CACNG1: variants seen among roughly 807,000 people sequenced by gnomAD.
CACNG1 encodes calcium voltage-gated channel auxiliary subunit gamma 1.
In CACNG1, 21 loss-of-function variants were observed where a neutral mutation model predicts 22.0. The ratio of observed to expected loss-of-function variants is 0.95; its 90% CI spans 0.68 to 1.37. The LOEUF (loss-of-function observed/expected upper bound fraction) is 1.37. Among genes scored for constraint, CACNG1 ranks in the 40% most tolerant of loss-of-function variants. The pLI is 0.00. For missense variants in CACNG1, 291 were observed against 308.6 expected, an observed-to-expected ratio of 0.94 and a Z score of 0.43; for synonymous variants, 127 against 129.2, an observed-to-expected ratio of 0.98 and a Z score of 0.12.
chr17:67,053,713 T>C (rs1275802577), intron 1 of CACNG1, among the ~76,000 whole-genome samples: 2 of 152,216 alleles, frequency 1.3e-5, no homozygotes, highest in Non-Finnish European at 2.9e-5. Flanking sequence ...GGTTACCCTG[T>C]CTGCCTAATG....
chr17:67,053,084 C>T (rs1276575875), intron 1 of CACNG1, among the ~76,000 whole-genome samples: 5 of 152,218 alleles, frequency 3.3e-5, no homozygotes, highest in African/African-American at 9.6e-5. Flanking sequence ...TGCGTTCCTA[C>T]TGCCCACAGA....
Position 67,044,937 on chromosome 17 carries a change from G to T in CACNG1, c.229+48G>T. 1 of 1,484,274 alleles carries T rather than the reference G, an allele frequency of 6.7e-7. No individual in the cohort carries two copies. 91.9% of individuals were successfully genotyped at this position (1,484,274 alleles called of 1,614,324 possible). On this transcript the variant is annotated intron_variant, in intron 1 of 3. Transcript: ENST00000226021. The surrounding 1 kb of genome is among the most constrained non-coding windows in gnomAD (Gnocchi z 6.9). The stretch of plus-strand genomic sequence containing the variant: ...CGATCCCCACCTCCTGCTCTTCCCC[G>T]TCATCCCCCTGGCAAAGTTGCCCTT...
In CACNG1 at chr17:67,056,005, A is replaced by G; in HGVS notation, c.443-40A>G. ...GGGATGGGGCTGGTGGCTACGGCAG[A>G]CGCCCCTCGGTCCCTGAGCATGCCT... On this transcript the variant is annotated intron_variant, in intron 3 of 3. Transcript: ENST00000226021. The surrounding 1 kb of genome is among the most constrained non-coding windows in gnomAD (Gnocchi z 4.3). 4.5e-6 allele frequency: 7 copies of G among 1,544,594 alleles called. No homozygotes were observed. Among genetic ancestry groups the G allele is most frequent in the Middle Eastern group, 1.7e-4 (1 of 5,900 alleles).
Position 67,054,242 on chromosome 17 carries a change from C to T in CACNG1, c.304+172C>T, listed in dbSNP as rs1361421484. On this transcript the variant is annotated intron_variant, in intron 2 of 3. Coordinates refer to ENST00000226021, the MANE Select transcript of CACNG1 (RefSeq NM_000727.4). This position sits in a 1 kb window ranked among gnomAD's most constrained non-coding sequence, Gnocchi z 4.6. ...AGCTCCCCGCTCCGGAGGCCCCAGG[C>T]AGCCGCCTTCCATCTCCAGGGCCCG... Among the ~76,000 whole-genome samples the T allele has an allele frequency of 1.3e-5, 2 of 152,214 alleles. No individual in the cohort carries two copies. The highest frequency in any genetic ancestry group is 4.8e-5 in the African/African-American group (2 of 41,446).
intron 1 of CACNG1, among the ~76,000 whole-genome samples, chr17:67,053,602 TC>T (rs1390662772): frequency 1.3e-5 from 2 of 152,192 alleles, no homozygotes; most frequent in African/African-American, 4.8e-5. Context: ...TCGCCAAGTG[TC>T]CCCTGGGGGG....
At position 67,044,775 on chromosome 17, in the gene CACNG1, A is replaced by G. The variant is rs751953770; in HGVS notation, c.115A>G (p.Met39Val). The G allele has an allele frequency of 2.5e-6, 4 of 1,613,232 alleles. No individual in the cohort carries two copies. Among genetic ancestry groups the G allele is most frequent in the Admixed American group, 1.7e-5 (1 of 60,012 alleles). The change falls in exon 1 of 4, where the codon ATG becomes GTG. Residue 39 changes from methionine to valine, a missense_variant. Transcript: ENST00000226021. The surrounding 1 kb of genome is among the most constrained non-coding windows in gnomAD (Gnocchi z 6.9). ...CCACTGGGCTGTGCTGAGCCCCCAC[A>G]TGGAGCACCACAACACTACCTGCGA... ...TDHWAVLSPH[M>V]EHHNTTCEAA...
chr17:67,050,420 A>G (rs1299052873), intron 1 of CACNG1, among the ~76,000 whole-genome samples: 1 of 152,266 alleles, frequency 6.6e-6, no homozygotes, highest in Non-Finnish European at 1.5e-5. Context: ...GCCCAGAGAA[A>G]CCACTGTTGG....
intron 1 of CACNG1, among the ~76,000 whole-genome samples, chr17:67,047,637 T>C (rs999671878): frequency 6.6e-6 from 1 of 152,200 alleles, no homozygotes; most frequent in African/African-American, 2.4e-5. Context: ...AAATAGTCTT[T>C]CTCCCTGGGG....
rs1170153927 is a variant in CACNG1, at chr17:67,044,750, C to T, written c.90C>T (p.Asp30=). ...TGGCCATGACAGCCGTGGTAACCGA[C>T]CACTGGGCTGTGCTGAGCCCCCACA... is the stretch of plus-strand genomic sequence containing the variant. ...IVLAMTAVVT[D]HWAVLSPHME... is the part of the protein sequence containing the mutation. The change falls in exon 1 of 4, where the codon GAC becomes GAT. Residue 30 remains aspartate (D), a synonymous_variant. Coordinates refer to ENST00000226021, the MANE Select transcript of CACNG1 (RefSeq NM_000727.4). This position sits in a 1 kb window ranked among gnomAD's most constrained non-coding sequence, Gnocchi z 6.9. 1.2e-6 allele frequency: 2 copies of T among 1,613,082 alleles called. No homozygotes were observed. Among genetic ancestry groups the T allele is most frequent in the Non-Finnish European group, 1.7e-6 (2 of 1,180,012 alleles).
intron 1 of CACNG1, among the ~76,000 whole-genome samples, chr17:67,050,739 T>C (rs2035723314): frequency 6.6e-6 from 1 of 152,230 alleles, no homozygotes. Flanking sequence ...ACACTACACA[T>C]GGTTCTGCAC....
chr17:67,051,467 G>A (rs191304087), intron 1 of CACNG1, among the ~76,000 whole-genome samples: 5 of 152,216 alleles, frequency 3.3e-5, no homozygotes, highest in East Asian at 1.9e-4. Context: ...AGGAGACACC[G>A]GTCTTTTTCA....
rs753434139 is a variant in CACNG1 at position 67,055,286 on chromosome 17, C to T, written c.442+46C>T. 3.8e-6 allele frequency: 6 copies of T among 1,585,386 alleles called. No homozygotes were observed. The highest frequency in any genetic ancestry group is 1.3e-5 in the African/African-American group (1 of 74,616). On this transcript the variant is annotated intron_variant, in intron 3 of 3. Transcript: ENST00000226021. This position sits in a 1 kb window ranked among gnomAD's most constrained non-coding sequence, Gnocchi z 4.5. ...GAGCGCCGGGGCCGGGGGACCATGT[C>T]GCGGGGGATTCTCCGCTCCACCCTC...
intron 1 of CACNG1, among the ~76,000 whole-genome samples, chr17:67,052,437 G>A (rs1160813041): frequency 6.6e-6 from 1 of 152,154 alleles, no homozygotes; most frequent in Non-Finnish European, 1.5e-5. Context: ...GAATGATTTA[G>A]GTCCGGTTAA....
chr17:67,054,111 A>G lies in CACNG1; in HGVS notation c.304+41A>G. Reference sequence around the variant, plus strand: ...AAGGGGTCTGGGGTGACAAGAGGGGACTTCTGTGTTGTGCACCACTGGGCC... The same window carrying G: ...AAGGGGTCTGGGGTGACAAGAGGGGGCTTCTGTGTTGTGCACCACTGGGCC... On this transcript the variant is annotated intron_variant, in intron 2 of 3. Transcript: ENST00000226021. This position sits in a 1 kb window ranked among gnomAD's most constrained non-coding sequence, Gnocchi z 4.6. The G allele has an allele frequency of 6.6e-7, 1 of 1,519,298 alleles. No homozygotes were observed. Among genetic ancestry groups the G allele is most frequent in the Non-Finnish European group, 9.1e-7 (1 of 1,093,694 alleles). 94.1% of individuals were successfully genotyped at this position (1,519,298 alleles called of 1,614,324 possible).
Position 67,055,037 on chromosome 17 carries a change from C to T in CACNG1, c.305-66C>T. On this transcript the variant is annotated intron_variant, in intron 2 of 3. Transcript: ENST00000226021. The surrounding 1 kb of genome is among the most constrained non-coding windows in gnomAD (Gnocchi z 4.5). Reference sequence around the variant, plus strand: ...CACACACTGTGGTGCATGGTGTGGTCCCTAACGAGCCATGACAAGAGCTCC... The same window carrying T: ...CACACACTGTGGTGCATGGTGTGGTTCCTAACGAGCCATGACAAGAGCTCC... 6.5e-7 allele frequency: 1 copy of T among 1,534,318 alleles called. No homozygotes were observed. Among genetic ancestry groups the T allele is most frequent in the South Asian group, 1.2e-5 (1 of 82,092 alleles).
chr17:67,052,362 C>G (rs888897928), intron 1 of CACNG1, among the ~76,000 whole-genome samples: 2 of 152,226 alleles, frequency 1.3e-5, no homozygotes, highest in African/African-American at 2.4e-5. Context: ...TCAGGAGAGG[C>G]AGCAGCCCTG....
chr17:67,054,059 C>T lies in CACNG1; in HGVS notation c.293C>T (p.Thr98Ile). The change falls in exon 2 of 4, where the codon ACC (threonine) becomes ATC (isoleucine). Residue 98 changes from threonine (T) to isoleucine (I), a missense_variant. Thr to Ile is a moderately conservative substitution (Grantham distance 89, BLOSUM62 -1). Transcript: ENST00000226021. This position sits in a 1 kb window ranked among gnomAD's most constrained non-coding sequence, Gnocchi z 4.6. Reference sequence around the variant, plus strand: ...GAGAGCTCGGAGATCTTCGAATTCACCACTCAGAAGGGTGAGCCTGGGTGG... The same window carrying T: ...GAGAGCTCGGAGATCTTCGAATTCATCACTCAGAAGGGTGAGCCTGGGTGG... Reference protein sequence around the residue: ...PGESSEIFEFTTQKEYSISAA... With the variant: ...PGESSEIFEFITQKEYSISAA... 1 of 1,614,008 alleles carries T rather than the reference C, an allele frequency of 6.2e-7. No homozygotes were observed. Among genetic ancestry groups the T allele is most frequent in the Non-Finnish European group, 8.5e-7 (1 of 1,179,840 alleles).
chr17:67,044,584 C>A lies in CACNG1; in HGVS notation c.-77C>A. On this transcript the variant is annotated 5_prime_UTR_variant, in exon 1 of 4. Transcript: ENST00000226021. The surrounding 1 kb of genome is among the most constrained non-coding windows in gnomAD (Gnocchi z 6.9). ...CAGCTCGACAACCACTGCCACCCCC[C>A]AAGCTCGGCTTGTCACCTGCCCTAG... 1 of 944,636 alleles carries A rather than the reference C, an allele frequency of 1.1e-6. No individual in the cohort carries two copies. Among genetic ancestry groups the A allele is most frequent in the Non-Finnish European group, 1.7e-6 (1 of 600,228 alleles). The allele number at this position is 944,636 out of a possible 1,614,324, so 58.5% of individuals were successfully genotyped here.
chr17:67,050,407 A>G (rs2035721654), intron 1 of CACNG1, among the ~76,000 whole-genome samples: 1 of 152,270 alleles, frequency 6.6e-6, no homozygotes, highest in Admixed American at 6.5e-5. Context: ...GGAAGGAGAC[A>G]CAGCCCAGAG....
Sources: gnomAD v4.1 joint callset for allele counts (sites outside exome capture counted in the v4.1 genomes callset) on GRCh38, gnomAD v4.1.1 for gene constraint, Gnocchi (gnomAD v3.1) non-coding constraint, MANE v1.5 for transcripts, NCBI Gene and HGNC (gene_info 2026-07-23, HGNC 2026-07-21) for gene names.